Variants in COP1 observed in about 807,000 individuals in gnomAD.
The protein encoded by COP1 is COP1 E3 ubiquitin ligase.
Under a neutral mutation model 101.3 loss-of-function variants are expected in COP1, and 24 were observed. The ratio of observed to expected loss-of-function variants is 0.24; its 90% CI spans 0.17 to 0.33. The LOEUF (loss-of-function observed/expected upper bound fraction) is 0.33, where lower values mean the gene tolerates loss of function less well. Among genes scored for constraint, COP1 ranks in the 10% least tolerant of loss-of-function variants. The pLI is 1.00. For missense variants in COP1, 663 were observed against 906.2 expected (o/e 0.73, Z 3.45); for synonymous variants, 347 against 341.9 (o/e 1.01, Z -0.17).
rs370091759 is a variant in COP1, at chr1:176,163,858, A to C, written c.599T>G (p.Phe200Cys). Residue 200 changes from phenylalanine (F) to cysteine (C), a missense_variant, in exon 4 of 20, where the codon TTT becomes TGT. Around this residue, in one of 4 missense-constraint regions of COP1, gnomAD observed 212 missense variants for 240.7 expected, o/e 0.88. Transcript: ENST00000367669. ...NELILKQKQR[F>C]EEKRFKLDHS... ...GTCCAATTTGAACCTCTTTTCCTCA[A>C]ATCTTTGCTTCTGTTTAAGAATGAG... 6 of 1,608,930 alleles carry C rather than the reference A, an allele frequency of 3.7e-6. No individual in the cohort carries two copies. Among genetic ancestry groups the C allele is most frequent in the Non-Finnish European group, 5.1e-6 (6 of 1,176,922 alleles).
chr1:176,034,693 T>C (rs1669190454), intron 14 of COP1, among the ~76,000 whole-genome samples: 1 of 152,222 alleles, frequency 6.6e-6, no homozygotes, highest in East Asian at 1.9e-4. Context: ...CAGTCACTTC[T>C]GAGCTGTGTA....
intron 18 of COP1, among the ~76,000 whole-genome samples, chr1:175,980,107 C>T (rs894518593): frequency 6.6e-6 from 1 of 152,010 alleles, no homozygotes; most frequent in Non-Finnish European, 1.5e-5. Flanking sequence ...TTATTATGGG[C>T]ACTTTAGAGA....
In COP1 at chr1:175,992,676, C is replaced by T. The variant is rs544516124; in HGVS notation, c.1730-3197G>A. Among the ~76,000 whole-genome samples the T allele has an allele frequency of 1.4e-3, 206 of 152,316 alleles. 1 individual carries two copies. The highest frequency in any genetic ancestry group is 5.3e-3 in the Admixed American group (81 of 15,300). On this transcript the variant is annotated intron_variant, in intron 15 of 19. Transcript: ENST00000367669. Reference sequence around the variant, plus strand: ...AGCAGTCTGAGATCAAACTGCAAGGCGGCAGCGAGGCTGGGGGAGGGGCAC... The same window carrying T: ...AGCAGTCTGAGATCAAACTGCAAGGTGGCAGCGAGGCTGGGGGAGGGGCAC...
chr1:176,058,063 C>G (rs1220465852), intron 11 of COP1, among the ~76,000 whole-genome samples: 1 of 149,694 alleles, frequency 6.7e-6, no homozygotes, highest in Non-Finnish European at 1.5e-5. Context: ...GCCCGGCAGC[C>G]GCCCCGGCCG....
chr1:176,054,161 C>CTT (rs71129544), intron 11 of COP1, among the ~76,000 whole-genome samples: 2 of 124,138 alleles, frequency 1.6e-5, no homozygotes, highest in African/African-American at 5.6e-5. Flanking sequence ...GCAAATTATT[C>CTT]TTTTTTTTTT....
At chr1:176,004,744 T>C (rs1252057364) in intron 15 of COP1, among the ~76,000 whole-genome samples, 3 of 148,894 alleles carry the variant, frequency 2.0e-5, no homozygotes, top group Admixed American at 6.7e-5. Flanking sequence ...TGCTGCGGGA[T>C]TCGTTTTGCC....
At chr1:176,011,142 G>A (rs1664585700) in intron 15 of COP1, among the ~76,000 whole-genome samples, 1 of 152,092 alleles carries the variant, frequency 6.6e-6, no homozygotes, top group Non-Finnish European at 1.5e-5. Flanking sequence ...TAATGTGGTG[G>A]CAGTAATTCA....
intron 11 of COP1, among the ~76,000 whole-genome samples, chr1:176,049,480 A>C (rs1166500996): frequency 6.6e-6 from 1 of 152,004 alleles, no homozygotes; most frequent in African/African-American, 2.4e-5. Context: ...ATACTGTAAA[A>C]ATAGATTTTA....
intron 18 of COP1, 76 bp from the exon 19 acceptor site, chr1:175,947,315 A>G: frequency 1.0e-6 from 1 of 954,084 alleles, no homozygotes; most frequent in South Asian, 1.3e-5. Context: ...TTTCCTCTTC[A>G]TCCTTCTTTC....
chr1:176,034,259 TTG>T (rs1255021600), intron 14 of COP1, among the ~76,000 whole-genome samples: 1 of 152,154 alleles, frequency 6.6e-6, no homozygotes, highest in Non-Finnish European at 1.5e-5. Flanking sequence ...AGTAAAATTG[TTG>T]TGTTTATTAA....
chr1:176,036,658 C>A (rs945775902), intron 14 of COP1, among the ~76,000 whole-genome samples: 5 of 152,228 alleles, frequency 3.3e-5, no homozygotes, highest in African/African-American at 1.2e-4. Context: ...AACCATACTT[C>A]CAATTTTGAA....
At chr1:176,163,365 T>C (rs1163311342) in intron 4 of COP1, among the ~76,000 whole-genome samples, 1 of 152,226 alleles carries the variant, frequency 6.6e-6, no homozygotes, top group Non-Finnish European at 1.5e-5. Flanking sequence ...AAATTGAGAA[T>C]CTTTCAAAGG....
rs193136331 is a variant in COP1, at chr1:176,136,258, G to A, written c.891+230C>T. Among the ~76,000 whole-genome samples the A allele has an allele frequency of 2.6e-5, 4 of 151,958 alleles. No homozygotes were observed. The East Asian group carries it at 7.7e-4, about 29-fold the overall frequency. ...AGCGATTTTTTTTGTCAGTCTAATC[G>A]AGAAAAATTATGGCAATAAAACATT... On this transcript the variant is annotated intron_variant, in intron 7 of 19. Coordinates refer to ENST00000367669, the MANE Select transcript of COP1 (RefSeq NM_022457.7).
At chr1:175,978,890 T>A (rs144083282) in intron 18 of COP1, among the ~76,000 whole-genome samples, 1 of 152,138 alleles carries the variant, frequency 6.6e-6, no homozygotes, top group East Asian at 1.9e-4. Context: ...AGTTAGTATA[T>A]TTTTAGGAGT....
chr1:176,122,552 T>A (rs1377691947), intron 8 of COP1, among the ~76,000 whole-genome samples: 1 of 152,130 alleles, frequency 6.6e-6, no homozygotes, highest in African/African-American at 2.4e-5. Flanking sequence ...AGGAAAGACA[T>A]AGGGGTAATT....
chr1:176,187,985 G>T (rs1698683204), intron 1 of COP1, among the ~76,000 whole-genome samples: 1 of 151,912 alleles, frequency 6.6e-6, no homozygotes, highest in Non-Finnish European at 1.5e-5. Flanking sequence ...TTACAAAAGA[G>T]GTCTAAAGGA....
intron 9 of COP1, among the ~76,000 whole-genome samples, chr1:176,102,514 T>C (rs2149511983): frequency 6.6e-6 from 1 of 152,314 alleles, no homozygotes; most frequent in Admixed American, 6.5e-5. Context: ...CAAACCATCT[T>C]GCTTCTAACC....
intron 8 of COP1, 103 bp from the exon 9 acceptor site, chr1:176,116,784 T>C: frequency 1.3e-6 from 1 of 768,580 alleles, no homozygotes; most frequent in Non-Finnish European, 2.1e-6. Flanking sequence ...GTATTTCTAA[T>C]TTCTAAGCCA....
intron 8 of COP1, among the ~76,000 whole-genome samples, chr1:176,130,117 T>A (rs561390589): frequency 3.3e-5 from 5 of 151,702 alleles, no homozygotes; most frequent in Non-Finnish European, 5.9e-5. Flanking sequence ...TCAAACCTGG[T>A]CTAAGTATGT....
Sources: gnomAD v4.1 joint callset for allele counts (sites outside exome capture counted in the v4.1 genomes callset) on GRCh38, gnomAD v4.1.1 for gene constraint, gnomAD v4.1.1 regional missense constraint, MANE v1.5 for transcripts, NCBI Gene and HGNC (gene_info 2026-07-23, HGNC 2026-07-21) for gene names.